The following EDDM13 variants were observed in gnomAD, a reference collection of about 807,000 sequenced individuals.
EDDM13 encodes the protein epididymal protein 13.
EDDM13 carries 24 observed loss-of-function variants against 17.8 expected under a neutral mutation model. That is an observed-to-expected ratio of 1.35 (90% confidence interval 0.98 to 1.90). EDDM13 has a LOEUF of 1.90. Ranked by LOEUF, EDDM13 falls within the 40% of genes most tolerant of loss-of-function variation. The probability of loss-of-function intolerance (pLI) is 0.00; values close to 1 mark genes in which losing one functional copy is unlikely to be tolerated. For synonymous variants in EDDM13, 31 were observed against 37.5 expected (o/e 0.83, Z 0.63); for missense variants, 97 against 100.8 (o/e 0.96, Z 0.16).
chr19:56,302,224 C>T (rs1304830982), intron 13 of EDDM13, 129 bp downstream of exon 13: 2 of 491,868 alleles, frequency 4.1e-6, no homozygotes, highest in Non-Finnish European at 6.4e-6. Flanking sequence ...GAGAGCCCTT[C>T]TGTAAAACAC....
At chr19:56,309,420 G>T (rs1387281223) in intron 14 of EDDM13, among the ~76,000 whole-genome samples, 1 of 152,170 alleles carries the variant, frequency 6.6e-6, no homozygotes, top group Non-Finnish European at 1.5e-5. Flanking sequence ...ACTAAATTGT[G>T]CCCTTTCAAA....
intron 8 of EDDM13, among the ~76,000 whole-genome samples, chr19:56,290,158 C>T (rs1438945335): frequency 1.3e-5 from 2 of 152,176 alleles, no homozygotes; most frequent in Non-Finnish European, 2.9e-5. Flanking sequence ...AGGGGTGGGT[C>T]CCAGGAATCT....
chr19:56,301,383 A>G (rs117831178), intron 12 of EDDM13, among the ~76,000 whole-genome samples: 1,936 of 152,102 alleles, frequency 0.013, 14 homozygotes, highest in Non-Finnish European at 0.021. Context: ...CCATCTGTGA[A>G]CTGTCATGGT....
chr19:56,287,467 A>C (rs960717082), intron 6 of EDDM13, among the ~76,000 whole-genome samples: 9 of 151,992 alleles, frequency 5.9e-5, no homozygotes, highest in African/African-American at 2.2e-4. Context: ...CAAGCACAAT[A>C]ATTCAGTTCT....
rs1251215101 is a variant in EDDM13, at chr19:56,278,825, C to G, written c.103+2716C>G. ...CCCAAAAGCTGGAGTACCTGGAGTTCTGACATCCAAAGCCAGGAGAAGGGC... is the reference window on the plus strand; with the variant it reads ...CCCAAAAGCTGGAGTACCTGGAGTTGTGACATCCAAAGCCAGGAGAAGGGC... On this transcript the variant is annotated intron_variant, in intron 2 of 14. Coordinates refer to ENST00000649256, the MANE Select transcript of EDDM13 (RefSeq NM_001354658.2). Among the ~76,000 whole-genome samples, 2 of 152,184 alleles carry G rather than the reference C, an allele frequency of 1.3e-5. 1 individual carries two copies.
At chr19:56,273,778 G>A (rs1298400510) in intron 1 of EDDM13, among the ~76,000 whole-genome samples, 1 of 152,182 alleles carries the variant, frequency 6.6e-6, no homozygotes, top group Non-Finnish European at 1.5e-5. Context: ...GGGCATGTGA[G>A]TCACAGGAAA....
At chr19:56,287,863 A>T (rs2039242933) in intron 6 of EDDM13, among the ~76,000 whole-genome samples, 1 of 152,244 alleles carries the variant, frequency 6.6e-6, no homozygotes. Context: ...TTTAATCCTT[A>T]TAAGCCCTCT....
intron 6 of EDDM13, among the ~76,000 whole-genome samples, chr19:56,287,088 G>T (rs2039181486): frequency 6.6e-6 from 1 of 152,202 alleles, no homozygotes; most frequent in African/African-American, 2.4e-5. Flanking sequence ...ATGGATTCTG[G>T]AGTCTAAAGT....
rs11374260 is a variant in EDDM13 at position 56,284,513 on chromosome 19, ATTTTTT to A, written c.127+323_127+328del. Among the ~76,000 whole-genome samples, 303 of 118,314 alleles carry A rather than the reference ATTTTTT, an allele frequency of 2.6e-3. 1 individual carries two copies. Among genetic ancestry groups the A allele is most frequent in the Non-Finnish European group, 3.2e-3 (185 of 58,596 alleles). The allele number at this position is 118,314 out of a possible 152,430, so 77.6% of individuals were successfully genotyped here. On this transcript the variant is annotated intron_variant, in intron 5 of 14. Coordinates refer to ENST00000649256, the MANE Select transcript of EDDM13 (RefSeq NM_001354658.2). The stretch of plus-strand genomic sequence containing the variant: ...TTAGAGACAAGTGATGCTTGCTGTA[ATTTTTT>A]TTTTTTTTTTTTTTTGAGACAGTCT...
chr19:56,287,105 T>G (rs1257478913), intron 6 of EDDM13, among the ~76,000 whole-genome samples: 1 of 152,244 alleles, frequency 6.6e-6, no homozygotes, highest in Non-Finnish European at 1.5e-5. Flanking sequence ...AAGTCTTCCT[T>G]GTGGTTTCTG....
intron 1 of EDDM13, among the ~76,000 whole-genome samples, chr19:56,273,791 T>C (rs891097497): frequency 1.3e-5 from 2 of 151,854 alleles, no homozygotes; most frequent in African/African-American, 4.8e-5. Flanking sequence ...ACAGGAAAAA[T>C]GTTGGATGTT....
chr19:56,284,805 G>A (rs1038176025), intron 5 of EDDM13, among the ~76,000 whole-genome samples, 193 bp from the exon 6 acceptor site: 7 of 152,124 alleles, frequency 4.6e-5, no homozygotes, highest in Non-Finnish European at 8.8e-5. Flanking sequence ...GAGCCACTGC[G>A]CCTGGCCTTG....
chr19:56,276,720 A>G (rs1449496889), intron 2 of EDDM13, among the ~76,000 whole-genome samples: 1 of 151,650 alleles, frequency 6.6e-6, no homozygotes, highest in Non-Finnish European at 1.5e-5. Context: ...TATTTTCAGT[A>G]TAGACGGGGT....
chr19:56,281,706 A>G lies in EDDM13; in HGVS notation c.109+8A>G, dbSNP rs1027498346. The stretch of plus-strand genomic sequence containing the variant: ...TGCCCCTTCCAGTCAACTGTAAGTC[A>G]TATCTCCTTCTCCCTACATAAATGG... On this transcript the variant is annotated splice_region_variant and intron_variant, in intron 3 of 14. Coordinates refer to ENST00000649256, the MANE Select transcript of EDDM13 (RefSeq NM_001354658.2). The G allele has an allele frequency of 2.0e-6, 2 of 985,220 alleles. No individual in the cohort carries two copies. The highest frequency in any genetic ancestry group is 1.7e-5 in the African/African-American group (1 of 57,234). The allele number at this position is 985,220 out of a possible 1,614,324, so 61.0% of individuals were successfully genotyped here.
chr19:56,276,302 A>G (rs2038247258), intron 2 of EDDM13, among the ~76,000 whole-genome samples, 193 bp downstream of exon 2: 1 of 152,162 alleles, frequency 6.6e-6, no homozygotes, highest in African/African-American at 2.4e-5. Flanking sequence ...CACAACTAAA[A>G]GAGCAGCCCT....
chr19:56,287,330 A>T (rs939445394), intron 6 of EDDM13, among the ~76,000 whole-genome samples: 6 of 152,320 alleles, frequency 3.9e-5, no homozygotes, highest in Admixed American at 2.0e-4. Flanking sequence ...AATGTCAGGA[A>T]CAGTCAGTCC....
chr19:56,298,964 C>T (rs948840332), intron 12 of EDDM13, among the ~76,000 whole-genome samples: 1 of 152,130 alleles, frequency 6.6e-6, no homozygotes, highest in African/African-American at 2.4e-5. Context: ...TGCAATTTGG[C>T]AATACATGTT....
At chr19:56,290,231 G>T (rs899467030) in intron 8 of EDDM13, among the ~76,000 whole-genome samples, 10 of 152,234 alleles carry the variant, frequency 6.6e-5, no homozygotes, top group African/African-American at 2.4e-4. Context: ...GAGAACTACT[G>T]AGATAAAGTA....
At chr19:56,276,568 G>A (rs1048597468) in intron 2 of EDDM13, among the ~76,000 whole-genome samples, 7 of 146,560 alleles carry the variant, frequency 4.8e-5, no homozygotes, top group South Asian at 4.3e-4. Flanking sequence ...GACGAGCCTC[G>A]CTCTGTCGCC....
Sources: gnomAD v4.1 joint callset for allele counts (sites outside exome capture counted in the v4.1 genomes callset) on GRCh38, gnomAD v4.1.1 for gene constraint, MANE v1.5 for transcripts, NCBI Gene and HGNC (gene_info 2026-07-23, HGNC 2026-07-21) for gene names.